Variants in MEMO1 observed in about 807,000 individuals in gnomAD.
MEMO1 encodes protein MEMO1.
MEMO1 carries 6 observed loss-of-function variants against 45.2 expected under a neutral mutation model. The observed-to-expected ratio is 0.13, with a 90% confidence interval of 0.07 to 0.26. MEMO1 has a LOEUF of 0.26. Ranked by LOEUF, MEMO1 falls within the 10% of genes least tolerant of loss-of-function variation. MEMO1 has a pLI of 1.00. For synonymous variants in MEMO1, 78 were observed against 124.3 expected (o/e 0.63, Z 2.48); for missense variants, 184 against 370.5 (o/e 0.50, Z 4.13).
intron 8 of MEMO1, among the ~76,000 whole-genome samples, chr2:31,874,552 G>T (rs568722082): frequency 1.6e-3 from 240 of 151,886 alleles, no homozygotes; most frequent in Non-Finnish European, 2.2e-3. Flanking sequence ...TTATTTTCTA[G>T]CCTTGTAATA....
At chr2:31,913,774 C>A (rs1323929392) in intron 6 of MEMO1, among the ~76,000 whole-genome samples, 1 of 152,078 alleles carries the variant, frequency 6.6e-6, no homozygotes, top group Non-Finnish European at 1.5e-5. Context: ...GACTTATATA[C>A]AAATAATCCG....
intron 1 of MEMO1, chr2:32,010,552 C>T: frequency 4.5e-6 from 1 of 223,694 alleles, no homozygotes; most frequent in South Asian, 5.5e-5. Context: ...CGGCCCCCGG[C>T]GTCCCCGCTG....
intron 6 of MEMO1, among the ~76,000 whole-genome samples, chr2:31,910,312 A>G (rs1284765784): frequency 4.6e-5 from 7 of 152,334 alleles, no homozygotes; most frequent in African/African-American, 1.7e-4. Context: ...AACTATATCT[A>G]CATAAAGCAA....
chr2:31,937,825 T>C (rs2148290981), intron 3 of MEMO1, among the ~76,000 whole-genome samples: 1 of 152,372 alleles, frequency 6.6e-6, no homozygotes, highest in Non-Finnish European at 1.5e-5. Context: ...TAACCAATTA[T>C]TTGATTACAT....
At chr2:31,981,500 GC>G (rs1350472078) in intron 2 of MEMO1, among the ~76,000 whole-genome samples, 1 of 152,138 alleles carries the variant, frequency 6.6e-6, no homozygotes, top group Admixed American at 6.6e-5. Flanking sequence ...GTTCTTCCTT[GC>G]CACATTTGGC....
chr2:31,918,901 A>G (rs1359433603), intron 5 of MEMO1, among the ~76,000 whole-genome samples: 4 of 152,088 alleles, frequency 2.6e-5, no homozygotes, highest in Admixed American at 1.3e-4. Flanking sequence ...AAGCTACCCA[A>G]AATTAAAATT....
At chr2:31,969,591 GTGTGT>G (rs1558542039) in intron 2 of MEMO1, among the ~76,000 whole-genome samples, 7 of 42,030 alleles carry the variant, frequency 1.7e-4, no homozygotes, top group Middle Eastern at 9.6e-3. Flanking sequence ...GTGTGGGTGT[GTGTGT>G]GTGTGTGTGT....
intron 7 of MEMO1, among the ~76,000 whole-genome samples, chr2:31,887,374 A>G (rs188823377): frequency 2.6e-5 from 4 of 152,316 alleles, no homozygotes; most frequent in Non-Finnish European, 4.4e-5. Flanking sequence ...AAGCCCCCAA[A>G]AGATCAGTCA....
intron 9 of MEMO1, 46 bp downstream of exon 9, chr2:31,869,802 T>C (rs564664702): frequency 2.6e-6 from 4 of 1,552,052 alleles, no homozygotes; most frequent in Non-Finnish European, 1.7e-6. Context: ...TTTTGGAATA[T>C]CATATGACCA....
chr2:31,917,082 G>C (rs1681561346), intron 6 of MEMO1, among the ~76,000 whole-genome samples: 1 of 152,088 alleles, frequency 6.6e-6, no homozygotes, highest in Non-Finnish European at 1.5e-5. Context: ...TGTTATCTTA[G>C]ACTTTATTAG....
chr2:31,868,957 A>G (rs1012940979), intron 9 of MEMO1, among the ~76,000 whole-genome samples: 8 of 152,170 alleles, frequency 5.3e-5, no homozygotes, highest in African/African-American at 1.9e-4. Context: ...TTACTTTATA[A>G]TACAAATTTT....
At chr2:31,884,899 T>C (rs1478832512) in intron 7 of MEMO1, among the ~76,000 whole-genome samples, 2 of 152,086 alleles carry the variant, frequency 1.3e-5, no homozygotes, top group Non-Finnish European at 2.9e-5. Context: ...TTACTGCATG[T>C]TACCTTAGCT....
chr2:31,910,319 G>C (rs975013950), intron 6 of MEMO1, among the ~76,000 whole-genome samples: 31 of 152,068 alleles, frequency 2.0e-4, no homozygotes, highest in Admixed American at 2.0e-3. Context: ...TCTACATAAA[G>C]CAAGCAAGCA....
intron 2 of MEMO1, among the ~76,000 whole-genome samples, chr2:32,007,278 A>T (rs1485539778): frequency 6.6e-6 from 1 of 152,108 alleles, no homozygotes; most frequent in African/African-American, 2.4e-5. Flanking sequence ...CCCTGCTCCA[A>T]ACCTGTTCAA....
chr2:31,954,767 G>C (rs1667218332), intron 2 of MEMO1, among the ~76,000 whole-genome samples: 1 of 151,904 alleles, frequency 6.6e-6, no homozygotes, highest in African/African-American at 2.4e-5. Context: ...CCAGGAGGCG[G>C]AGGTTGCAGT....
chr2:31,998,171 C>A (rs1049410890), intron 2 of MEMO1, among the ~76,000 whole-genome samples: 1 of 152,130 alleles, frequency 6.6e-6, no homozygotes, highest in Non-Finnish European at 1.5e-5. Context: ...ATGTGCCAAC[C>A]ACACCTGGCT....
At chr2:31,930,811 A>ATTTTTTTTTTTTTTTTTTTT (rs376524077) in intron 4 of MEMO1, among the ~76,000 whole-genome samples, 17 of 126,080 alleles carry the variant, frequency 1.3e-4, no homozygotes, top group African/African-American at 4.1e-4. Context: ...ACGCCTGGCA[A>ATTTTTTTTTTTTTTTTTTTT]TTTTTTTTTT....
chr2:31,972,955 T>C (rs1669580442), intron 2 of MEMO1, among the ~76,000 whole-genome samples: 1 of 152,198 alleles, frequency 6.6e-6, no homozygotes, highest in Admixed American at 6.5e-5. Context: ...CACAATGAGC[T>C]ACCACTTCAT....
intron 4 of MEMO1, among the ~76,000 whole-genome samples, chr2:31,926,390 A>C (rs1415503812): frequency 6.6e-6 from 1 of 151,960 alleles, no homozygotes; most frequent in Non-Finnish European, 1.5e-5. Flanking sequence ...AAAAAAAAAA[A>C]AAACAGAATC....
Sources: gnomAD v4.1 joint callset for allele counts (sites outside exome capture counted in the v4.1 genomes callset) on GRCh38, gnomAD v4.1.1 for gene constraint, MANE v1.5 for transcripts, NCBI Gene and HGNC (gene_info 2026-07-23, HGNC 2026-07-21) for gene names.